The following BRF1 variants were observed in gnomAD, a reference collection of about 807,000 sequenced individuals.
BRF1 encodes BRF1 general transcription factor IIIB subunit.
BRF1 carries 59 observed loss-of-function variants against 81.7 expected under a neutral mutation model. The observed-to-expected ratio is 0.72, with a 90% CI of 0.59 to 0.90. The LOEUF (loss-of-function observed/expected upper bound fraction) is 0.90, where lower values mean the gene tolerates loss of function less well. BRF1 is among the 40% of genes least tolerant of loss of function. BRF1 has a pLI of 0.00. For missense variants in BRF1, 1,050 were observed against 936.3 expected, an observed-to-expected ratio of 1.12 and a Z score of -1.58; for synonymous variants, 491 against 395.6, an observed-to-expected ratio of 1.24 and a Z score of -2.86.
intron 2 of BRF1, among the ~76,000 whole-genome samples, chr14:105,274,554 G>A (rs796300081): frequency 3.9e-5 from 6 of 152,286 alleles, no homozygotes; most frequent in African/African-American, 9.6e-5. Context: ...TGGCCAGGAC[G>A]GCAACATCCG....
intron 1 of BRF1, among the ~76,000 whole-genome samples, chr14:105,298,334 T>C (rs2057824804): frequency 6.6e-6 from 1 of 152,106 alleles, no homozygotes; most frequent in East Asian, 1.9e-4. Context: ...CAGGACAATA[T>C]AACAGGTATA....
intron 5 of BRF1, chr14:105,248,075 C>T (rs2055246237): frequency 1.0e-6 from 1 of 985,492 alleles, no homozygotes; most frequent in Non-Finnish European, 1.2e-6. Flanking sequence ...CGCGACTAAC[C>T]TCTCTGTGCC....
At chr14:105,314,580 T>G (rs899819188) in intron 1 of BRF1, 4 of 144,466 alleles carry the variant, frequency 2.8e-5, no homozygotes, top group Admixed American at 2.7e-4. Context: ...CGCACCTCAC[T>G]TCCGGCGCGC....
At chr14:105,229,641 G>A (rs975042514) in intron 6 of BRF1, among the ~76,000 whole-genome samples, 2 of 151,056 alleles carry the variant, frequency 1.3e-5, no homozygotes, top group Admixed American at 6.6e-5. Flanking sequence ...CCCAGCTGGG[G>A]GCGGGGGACA....
At chr14:105,247,202 A>T in intron 5 of BRF1, 1 of 985,414 alleles carries the variant, frequency 1.0e-6, no homozygotes, top group Non-Finnish European at 1.2e-6. Context: ...GGGTGCATCC[A>T]CACACTTTCT....
At chr14:105,257,734 C>T (rs1413948084) in intron 3 of BRF1, among the ~76,000 whole-genome samples, 1 of 152,186 alleles carries the variant, frequency 6.6e-6, no homozygotes, top group Non-Finnish European at 1.5e-5. Flanking sequence ...GCAGTAAGAA[C>T]TACCTGGGGA....
At chr14:105,223,392 C>T (rs587736311) in intron 10 of BRF1, among the ~76,000 whole-genome samples, 3 of 152,282 alleles carry the variant, frequency 2.0e-5, no homozygotes, top group South Asian at 4.1e-4. Flanking sequence ...GAAGGACTAC[C>T]GACTGCCACA....
At chr14:105,219,495 GGACCCTGGCCA>G (rs1891902913) in intron 12 of BRF1, 1 of 662,598 alleles carries the variant, frequency 1.5e-6, no homozygotes, top group Non-Finnish European at 2.4e-6. Context: ...GCCGGCACCA[GGACCCTGGCCA>G]GCCAGAGTGC....
chr14:105,218,822 G>C (rs1030914091), intron 14 of BRF1, among the ~76,000 whole-genome samples, 176 bp downstream of exon 14: 1 of 152,212 alleles, frequency 6.6e-6, no homozygotes. Context: ...TGGCCAGCAC[G>C]GGGCAGGACC....
At chr14:105,248,559 G>A (rs1196680968) in intron 5 of BRF1, 1 of 925,042 alleles carries the variant, frequency 1.1e-6, no homozygotes, top group South Asian at 5.1e-5. Context: ...GCGCCGCGGC[G>A]GGTACGGGCT....
At chr14:105,274,806 C>A (rs1191865866) in intron 2 of BRF1, among the ~76,000 whole-genome samples, 2 of 152,162 alleles carry the variant, frequency 1.3e-5, no homozygotes, top group Non-Finnish European at 2.9e-5. Flanking sequence ...GTGGGGAGCA[C>A]CTGAGCCAAC....
intron 1 of BRF1, among the ~76,000 whole-genome samples, chr14:105,294,422 C>T (rs1005239853): frequency 5.3e-5 from 8 of 152,344 alleles, no homozygotes; most frequent in Admixed American, 4.6e-4. Context: ...GAGGGCAGTG[C>T]GCTGTCACCA....
rs1892061791 is a variant in BRF1 at position 105,220,248 on chromosome 14, C to G, written c.1316-118G>C. ...GGCTAAGGGCTTTCTAGAACCCCGT[C>G]CCCTCCTCTGCACTGGTGGGTCGCG... On this transcript the variant is annotated intron_variant, in intron 11 of 17. Coordinates refer to ENST00000547530, the MANE Select transcript of BRF1 (RefSeq NM_001519.4). 6.2e-6 allele frequency: 7 copies of G among 1,129,418 alleles called. No individual in the cohort carries two copies. In the South Asian group the frequency reaches 9.1e-5, roughly 15 times the overall value. The allele number at this position is 1,129,418 out of a possible 1,614,324, so 70.0% of individuals were successfully genotyped here.
chr14:105,211,391 C>T, intron 16 of BRF1, 98 bp from the exon 17 acceptor site: 1 of 1,155,218 alleles, frequency 8.7e-7, no homozygotes, highest in Non-Finnish European at 1.2e-6. Context: ...GATGCTCAGC[C>T]ACTCCCGCCA....
At chr14:105,229,639 G>A (rs1362300040) in intron 6 of BRF1, among the ~76,000 whole-genome samples, 7 of 151,024 alleles carry the variant, frequency 4.6e-5, no homozygotes, top group Non-Finnish European at 7.4e-5. Flanking sequence ...CGCCCAGCTG[G>A]GGGCGGGGGA....
intron 5 of BRF1, among the ~76,000 whole-genome samples, chr14:105,243,986 C>G (rs1184420430): frequency 6.6e-6 from 1 of 152,020 alleles, no homozygotes; most frequent in African/African-American, 2.4e-5. Flanking sequence ...GGCGACAGAG[C>G]GAGACTCCAT....
At chr14:105,263,572 C>T (rs587641370) in intron 3 of BRF1, among the ~76,000 whole-genome samples, 3 of 152,222 alleles carry the variant, frequency 2.0e-5, no homozygotes, top group South Asian at 4.2e-4. Flanking sequence ...GGAACCAAGA[C>T]GGACCAGCAG....
Position 105,300,565 on chromosome 14 carries a change from T to TCC in BRF1, c.63_64dup (p.Asp22GlyfsTer55). Reference sequence around the variant, plus strand: ...TGAGCCGCAGGCGGTGCACACCGCGTCCCCGCGCGCCGCGTCCAGCTCGAT... The same window carrying TCC: ...TGAGCCGCAGGCGGTGCACACCGCGTCCCCCCGCGCGCCGCGTCCAGCTCGAT... On this transcript the variant is annotated frameshift_variant, in exon 1 of 18. Coordinates refer to ENST00000547530, the MANE Select transcript of BRF1 (RefSeq NM_001519.4). LOFTEE classifies it high-confidence loss of function. 6.7e-7 allele frequency: 1 copy of TCC among 1,495,430 alleles called. No individual in the cohort carries two copies. The highest frequency in any genetic ancestry group is 8.9e-7 in the Non-Finnish European group (1 of 1,126,146). 92.6% of individuals were successfully genotyped at this position (1,495,430 alleles called of 1,614,324 possible). A position where few individuals can be genotyped will look rare whatever the true frequency, so the allele number is the denominator to read the frequency against.
chr14:105,220,273 G>A (rs1406353425), intron 11 of BRF1, 143 bp from the exon 12 acceptor site: 16 of 791,798 alleles, frequency 2.0e-5, no homozygotes, highest in South Asian at 1.4e-4. Flanking sequence ...GGTGGGTCGC[G>A]CCCTGTCTGC....
Sources: allele counts gnomAD v4.1 joint callset (sites outside exome capture counted in the v4.1 genomes callset), GRCh38; gene constraint gnomAD v4.1.1; transcripts MANE v1.5; gene names NCBI Gene and HGNC (gene_info 2026-07-23, HGNC 2026-07-21).